The following TEAD1 variants were observed in gnomAD, a reference collection of about 807,000 sequenced individuals.
TEAD1 encodes TEA domain transcription factor 1, also known as transcriptional enhancer factor TEF-1.
In TEAD1, 9 loss-of-function variants were observed where a neutral mutation model predicts 54.9. That is an observed-to-expected ratio of 0.16 (90% CI 0.10 to 0.29). The LOEUF is 0.29. Among genes scored for constraint, TEAD1 ranks in the 10% least tolerant of loss-of-function variants. The probability of loss-of-function intolerance (pLI) is 1.00; values close to 1 mark genes in which losing one functional copy is unlikely to be tolerated. For missense variants in TEAD1, 387 were observed against 535.9 expected, an observed-to-expected ratio of 0.72 and a Z score of 2.74; for synonymous variants, 200 against 187.8, an observed-to-expected ratio of 1.07 and a Z score of -0.53.
At chr11:12,730,623 C>G (rs1309758473) in intron 2 of TEAD1, among the ~76,000 whole-genome samples, 1 of 145,522 alleles carries the variant, frequency 6.9e-6, no homozygotes, top group Non-Finnish European at 1.5e-5. Flanking sequence ...CTTTAAAGGT[C>G]TTTCAGGAGG....
intron 3 of TEAD1, among the ~76,000 whole-genome samples, chr11:12,794,093 G>C (rs943484468): frequency 2.0e-5 from 3 of 152,216 alleles, no homozygotes; most frequent in African/African-American, 7.2e-5. Context: ...ATAGCTATGG[G>C]AGAGTAGGAA....
chr11:12,803,079 G>A (rs1015640830), intron 3 of TEAD1, among the ~76,000 whole-genome samples: 1 of 151,432 alleles, frequency 6.6e-6, no homozygotes, highest in East Asian at 1.9e-4. Flanking sequence ...CAGAAGTTGC[G>A]CCTGCCTAAC....
At chr11:12,676,448 G>C (rs1039094617) in intron 2 of TEAD1, among the ~76,000 whole-genome samples, 1 of 152,226 alleles carries the variant, frequency 6.6e-6, no homozygotes, top group African/African-American at 2.4e-5. Flanking sequence ...CTGAGGCACA[G>C]ATTGGGGAAC....
At chr11:12,895,199 A>ACCCCC (rs547810779) in intron 9 of TEAD1, among the ~76,000 whole-genome samples, 1 of 150,002 alleles carries the variant, frequency 6.7e-6, no homozygotes, top group African/African-American at 2.5e-5. Flanking sequence ...TCCTTTATTA[A>ACCCCC]CCCCCCCCGG....
At chr11:12,787,548 A>G (rs1264224888) in intron 3 of TEAD1, among the ~76,000 whole-genome samples, 1 of 152,170 alleles carries the variant, frequency 6.6e-6, no homozygotes, top group African/African-American at 2.4e-5. Context: ...CGTTGCACAG[A>G]TTAAATTTAA....
chr11:12,747,110 G>T (rs557396636), intron 2 of TEAD1, among the ~76,000 whole-genome samples: 54 of 152,276 alleles, frequency 3.5e-4, no homozygotes, highest in African/African-American at 1.3e-3. Context: ...GGCTGTCCTT[G>T]TAATTCCTTA....
intron 3 of TEAD1, among the ~76,000 whole-genome samples, chr11:12,771,268 T>G (rs371401751): frequency 2.6e-5 from 4 of 152,148 alleles, no homozygotes; most frequent in Admixed American, 6.5e-5. Context: ...GCACTCATCC[T>G]GGGGGCAGAC....
intron 2 of TEAD1, among the ~76,000 whole-genome samples, chr11:12,676,013 C>T (rs576914649): frequency 6.6e-6 from 1 of 152,234 alleles, no homozygotes; most frequent in African/African-American, 2.4e-5. Flanking sequence ...GAAAATTGAC[C>T]TCAGTGAGCC....
chr11:12,859,513 T>C (rs1231000515), intron 3 of TEAD1, among the ~76,000 whole-genome samples: 1 of 152,206 alleles, frequency 6.6e-6, no homozygotes, highest in Non-Finnish European at 1.5e-5. Flanking sequence ...CTGGGCTCTG[T>C]TGTCAGCGAG....
At chr11:12,821,837 C>T (rs1039673419) in intron 3 of TEAD1, among the ~76,000 whole-genome samples, 1 of 151,932 alleles carries the variant, frequency 6.6e-6, no homozygotes, top group Non-Finnish European at 1.5e-5. Flanking sequence ...ATGGAACACA[C>T]ATGTCAGCTC....
chr11:12,818,472 G>A (rs1248656139), intron 3 of TEAD1, among the ~76,000 whole-genome samples: 1 of 152,184 alleles, frequency 6.6e-6, no homozygotes, highest in African/African-American at 2.4e-5. Context: ...CTGGGGACAT[G>A]TCTGGTTTGG....
At chr11:12,887,123 G>GTCT (rs1948107440) in intron 9 of TEAD1, among the ~76,000 whole-genome samples, 2 of 137,950 alleles carry the variant, frequency 1.4e-5, no homozygotes, top group African/African-American at 5.6e-5. Context: ...GAGACACAGA[G>GTCT]TCTTGCTCTG....
In TEAD1 at chr11:12,828,923, G is replaced by A. The variant is rs114780041; in HGVS notation, c.203-33327G>A. On this transcript the variant is annotated intron_variant, in intron 3 of 12. Transcript: ENST00000527636. ...AGTTTAAATAAATTAGTTAAATTCT[G>A]TTGTGTATATTTCTGCAGATGATAA... Among the ~76,000 whole-genome samples the A allele has an allele frequency of 3.9e-3, 588 of 150,906 alleles. 5 individuals are homozygous for A. Among genetic ancestry groups the A allele is most frequent in the African/African-American group, 0.014 (567 of 41,038 alleles).
intron 10 of TEAD1, among the ~76,000 whole-genome samples, chr11:12,910,720 A>C (rs1194211757): frequency 1.3e-5 from 2 of 150,362 alleles, no homozygotes; most frequent in Admixed American, 1.3e-4. Context: ...AGTGTAAACA[A>C]TACTGTCTAC....
At chr11:12,854,502 AGC>A (rs1947333594) in intron 3 of TEAD1, among the ~76,000 whole-genome samples, 6 of 152,126 alleles carry the variant, frequency 3.9e-5, no homozygotes, top group Non-Finnish European at 7.3e-5. Context: ...TTCCTGTGAG[AGC>A]ACATGTTAGG....
intron 2 of TEAD1, among the ~76,000 whole-genome samples, chr11:12,724,721 C>G (rs1318901688): frequency 6.6e-6 from 1 of 152,210 alleles, no homozygotes; most frequent in African/African-American, 2.4e-5. Context: ...GGCAGAACCT[C>G]CTGCTCAGTG....
chr11:12,805,070 C>T (rs948000898), intron 3 of TEAD1, among the ~76,000 whole-genome samples: 4 of 152,168 alleles, frequency 2.6e-5, no homozygotes, highest in Non-Finnish European at 5.9e-5. Flanking sequence ...CAAAGGTGGA[C>T]TGGGCTTCTG....
intron 5 of TEAD1, among the ~76,000 whole-genome samples, chr11:12,868,297 A>G (rs1288994887): frequency 6.6e-6 from 1 of 152,246 alleles, no homozygotes; most frequent in South Asian, 2.1e-4. Flanking sequence ...AGGCTATTCC[A>G]TTGAATCAGG....
At chr11:12,780,407 C>T (rs1945518493) in intron 3 of TEAD1, among the ~76,000 whole-genome samples, 1 of 151,942 alleles carries the variant, frequency 6.6e-6, no homozygotes, top group African/African-American at 2.4e-5. Flanking sequence ...CCATACCCAG[C>T]TAAGTTTTGT....
Sources: gnomAD v4.1 joint callset for allele counts (sites outside exome capture counted in the v4.1 genomes callset) on GRCh38, gnomAD v4.1.1 for gene constraint, MANE v1.5 for transcripts, NCBI Gene and HGNC (gene_info 2026-07-23, HGNC 2026-07-21) for gene names.